The following MED27 variants were observed in gnomAD, a reference collection of about 807,000 sequenced individuals.
MED27 encodes mediator of RNA polymerase II transcription subunit 27.
In MED27, 30 loss-of-function variants were observed where a neutral mutation model predicts 38.2. The ratio of observed to expected loss-of-function variants is 0.79; its 90% CI spans 0.59 to 1.07. The LOEUF is 1.07. Ranked by LOEUF, MED27 falls within the 50% of genes least tolerant of loss-of-function variation. The pLI is 0.00. For missense variants in MED27, 289 were observed against 397.5 expected, an observed-to-expected ratio of 0.73 and a Z score of 2.32; for synonymous variants, 122 against 153.5, an observed-to-expected ratio of 0.79 and a Z score of 1.52.
intron 4 of MED27, among the ~76,000 whole-genome samples, chr9:131,936,124 C>A (rs1191694168): frequency 1.5e-4 from 22 of 145,898 alleles, no homozygotes; most frequent in African/African-American, 5.8e-4. Context: ...CAAAGTGAGA[C>A]CCTGTCTCAA....
At chr9:131,944,034 C>T (rs2130974219) in intron 3 of MED27, among the ~76,000 whole-genome samples, 1 of 152,310 alleles carries the variant, frequency 6.6e-6, no homozygotes, top group Middle Eastern at 3.4e-3. Flanking sequence ...TTTTTTCCAG[C>T]ACAACCCAAC....
At chr9:132,060,955 C>A (rs1833684875) in intron 2 of MED27, among the ~76,000 whole-genome samples, 1 of 152,096 alleles carries the variant, frequency 6.6e-6, no homozygotes, top group Admixed American at 6.5e-5. Flanking sequence ...TCTCAAACAA[C>A]AACAACAACA....
intron 3 of MED27, among the ~76,000 whole-genome samples, chr9:131,978,879 C>T (rs1358793661): frequency 6.6e-6 from 1 of 152,196 alleles, no homozygotes; most frequent in Non-Finnish European, 1.5e-5. Context: ...GAACTTGGAG[C>T]AAAGAAAATT....
At chr9:132,044,606 C>G (rs568435790) in intron 2 of MED27, among the ~76,000 whole-genome samples, 68 of 152,376 alleles carry the variant, frequency 4.5e-4, no homozygotes, top group South Asian at 8.3e-4. Flanking sequence ...AGTGTGTAAG[C>G]TAACTTTGTT....
At position 131,900,785 on chromosome 9, in the gene MED27, G is replaced by A. The variant is rs1053753616; in HGVS notation, c.574-6793C>T. The stretch of plus-strand genomic sequence containing the variant: ...TGTGTTATTAAAAAAGAATTAAAAA[G>A]AAGCCAACTATTTATGTAAAACCAT... On this transcript the variant is annotated intron_variant, in intron 4 of 7. Coordinates refer to ENST00000292035, the MANE Select transcript of MED27 (RefSeq NM_004269.4). Among the ~76,000 whole-genome samples the A allele has an allele frequency of 1.8e-4, 28 of 152,160 alleles. 1 individual carries two copies. Among genetic ancestry groups the A allele is most frequent in the Non-Finnish European group, 2.2e-4 (15 of 67,996 alleles).
intron 2 of MED27, among the ~76,000 whole-genome samples, chr9:132,067,757 G>A (rs1215854810): frequency 3.3e-5 from 5 of 152,114 alleles, no homozygotes; most frequent in Non-Finnish European, 5.9e-5. Flanking sequence ...TGTCGCCCAG[G>A]CTGGAGCGCA....
chr9:132,047,699 T>G (rs979998180), intron 2 of MED27, among the ~76,000 whole-genome samples: 2 of 152,176 alleles, frequency 1.3e-5, no homozygotes, highest in Non-Finnish European at 2.9e-5. Context: ...GTATGAGAAA[T>G]TATAGTGCAT....
chr9:132,066,875 A>G (rs181938826), intron 2 of MED27, among the ~76,000 whole-genome samples: 2 of 152,184 alleles, frequency 1.3e-5, no homozygotes, highest in Non-Finnish European at 2.9e-5. Flanking sequence ...TAAAAATAAA[A>G]ATAAAAGCAC....
chr9:131,927,256 A>G (rs1053738051), intron 4 of MED27, among the ~76,000 whole-genome samples: 2 of 152,256 alleles, frequency 1.3e-5, no homozygotes, highest in African/African-American at 2.4e-5. Flanking sequence ...ATTATGCAAG[A>G]GGCTGCAAGT....
intron 3 of MED27, among the ~76,000 whole-genome samples, chr9:131,962,257 G>C (rs960790825): frequency 2.0e-5 from 3 of 152,166 alleles, no homozygotes; most frequent in African/African-American, 7.2e-5. Context: ...TTATTTTTGA[G>C]ACGGGGTCTG....
At chr9:132,048,123 G>T (rs1564339713) in intron 2 of MED27, among the ~76,000 whole-genome samples, 1 of 152,038 alleles carries the variant, frequency 6.6e-6, no homozygotes, top group Non-Finnish European at 1.5e-5. Flanking sequence ...TTTCAGGCTG[G>T]GATAATGAGC....
At chr9:131,980,210 C>T (rs371098848) in intron 3 of MED27, among the ~76,000 whole-genome samples, 2 of 55,012 alleles carry the variant, frequency 3.6e-5, no homozygotes, top group African/African-American at 4.1e-5. Flanking sequence ...AGGCGGGTGG[C>T]GGGGGGGAGA....
At chr9:131,948,514 A>AAAAC (rs1564295008) in intron 3 of MED27, among the ~76,000 whole-genome samples, 1 of 148,014 alleles carries the variant, frequency 6.8e-6, no homozygotes, top group African/African-American at 2.5e-5. Context: ...AAAAAAAAAA[A>AAAAC]CAAAAAACCA....
chr9:132,022,758 T>A (rs1345833284), intron 2 of MED27, among the ~76,000 whole-genome samples: 1 of 152,156 alleles, frequency 6.6e-6, no homozygotes, highest in African/African-American at 2.4e-5. Flanking sequence ...AGGAAACTTA[T>A]AATCATGGCA....
intron 4 of MED27, among the ~76,000 whole-genome samples, chr9:131,898,627 T>G (rs1166778154): frequency 1.3e-5 from 2 of 151,692 alleles, no homozygotes; most frequent in African/African-American, 4.9e-5. Context: ...TCGCTCTGTC[T>G]CCCATGTTGG....
At chr9:131,890,659 C>T (rs1386947754) in intron 5 of MED27, among the ~76,000 whole-genome samples, 1 of 152,202 alleles carries the variant, frequency 6.6e-6, no homozygotes, top group African/African-American at 2.4e-5. Flanking sequence ...TCCTACCGTG[C>T]TCCTGGCACA....
intron 2 of MED27, among the ~76,000 whole-genome samples, chr9:132,071,701 G>A (rs755198578): frequency 4.0e-5 from 6 of 149,526 alleles, no homozygotes; most frequent in Admixed American, 1.3e-4. Context: ...CGAGTAACAC[G>A]CGTCCATGAA....
intron 6 of MED27, chr9:131,869,400 A>C: frequency 1.0e-6 from 1 of 985,180 alleles, no homozygotes; most frequent in Non-Finnish European, 1.2e-6. Flanking sequence ...GCAAAAAAAA[A>C]AAAAAAATCT....
rs1361312217 is a variant in MED27, at chr9:131,907,875, G to A, written c.574-13883C>T. ...GGGAGCGCCTCTGCCCCGCCGCCCC[G>A]TCTGGGATGTGAGGAGCGCCTCTGC... is the stretch of plus-strand genomic sequence containing the variant. On this transcript the variant is annotated intron_variant, in intron 4 of 7. Coordinates refer to ENST00000292035, the MANE Select transcript of MED27 (RefSeq NM_004269.4). Among the ~76,000 whole-genome samples, 37 of 145,662 alleles carry A rather than the reference G, an allele frequency of 2.5e-4. No individual in the cohort carries two copies. In the East Asian group the frequency reaches 2.6e-3, roughly 10 times the overall value.
Sources: gnomAD v4.1 joint callset for allele counts (sites outside exome capture counted in the v4.1 genomes callset) on GRCh38, gnomAD v4.1.1 for gene constraint, MANE v1.5 for transcripts, NCBI Gene and HGNC (gene_info 2026-07-23, HGNC 2026-07-21) for gene names.